The following ATG10 variants were observed in gnomAD, a reference collection of about 807,000 sequenced individuals.
ATG10 encodes the protein autophagy related 10.
In ATG10, 30 loss-of-function variants were observed where a neutral mutation model predicts 32.1. The observed-to-expected ratio is 0.94, with a 90% CI of 0.70 to 1.27. The LOEUF is 1.27. Ranked by LOEUF, ATG10 falls within the 50% of genes most tolerant of loss-of-function variation. ATG10 has a pLI of 0.00. For synonymous variants in ATG10, 87 were observed against 91.5 expected (o/e 0.95, Z 0.28); for missense variants, 233 against 262.3 (o/e 0.89, Z 0.77).
At chr5:82,201,482 ACT>A (rs1372670431) in intron 5 of ATG10, among the ~76,000 whole-genome samples, 4 of 151,766 alleles carry the variant, frequency 2.6e-5, no homozygotes, top group African/African-American at 7.3e-5. Context: ...CTATTTCTGG[ACT>A]CTCTGTTCTG....
intron 5 of ATG10, among the ~76,000 whole-genome samples, chr5:82,210,561 C>T (rs1269979919): frequency 2.0e-5 from 3 of 152,134 alleles, no homozygotes; most frequent in Non-Finnish European, 4.4e-5. Flanking sequence ...TCCCTTTTCT[C>T]CTGATTCTTT....
rs558246627 is a variant in ATG10, at chr5:82,237,275, C to T, written c.454-15287C>T. ...TAGGCTGTTTCTGGCTTATATTCTA[C>T]GGCCACACTTTGCTTTTCTCCTCCC... On this transcript the variant is annotated intron_variant, in intron 5 of 7. Transcript: ENST00000282185. Among the ~76,000 whole-genome samples the T allele has an allele frequency of 7.2e-5, 11 of 152,230 alleles. No homozygotes were observed. The South Asian group carries it at 2.1e-3, about 29-fold the overall frequency.
intron 3 of ATG10, among the ~76,000 whole-genome samples, chr5:82,139,561 C>T (rs1310210821): frequency 6.7e-6 from 1 of 149,114 alleles, no homozygotes; most frequent in Non-Finnish European, 1.5e-5. Flanking sequence ...AGGAGCGTCT[C>T]TGCCCGGCCG....
In ATG10 at chr5:81,982,950, C is replaced by T. The variant is rs1230996577; in HGVS notation, c.-12-4609C>T. 9.8e-5 allele frequency among the ~76,000 whole-genome samples: 15 copies of T among 152,374 alleles called. No individual in the cohort carries two copies. The East Asian group carries it at 2.3e-3, about 24-fold the overall frequency. Reference sequence around the variant, plus strand: ...CAAAATGAAAAGTCTCCCATGTCTACCTCTTTCTACACAGACACGGCAACC... The same window carrying T: ...CAAAATGAAAAGTCTCCCATGTCTATCTCTTTCTACACAGACACGGCAACC... On this transcript the variant is annotated intron_variant, in intron 1 of 7. Transcript: ENST00000282185.
At chr5:81,987,500 C>T (rs1761320546) in intron 1 of ATG10, 59 bp from the exon 2 acceptor site, 2 of 1,224,184 alleles carry the variant, frequency 1.6e-6, no homozygotes, top group Admixed American at 2.2e-5. Context: ...AATCAATTGG[C>T]AGAATTCCTT....
chr5:82,198,501 C>A (rs543458260), intron 5 of ATG10, among the ~76,000 whole-genome samples: 1 of 152,268 alleles, frequency 6.6e-6, no homozygotes, highest in African/African-American at 2.4e-5. Flanking sequence ...CTCAAGTGAT[C>A]TGCCTGTCCC....
chr5:82,023,615 T>A (rs1294695294), intron 2 of ATG10, among the ~76,000 whole-genome samples: 1 of 151,540 alleles, frequency 6.6e-6, no homozygotes, highest in East Asian at 1.9e-4. Context: ...AGAGACTGTT[T>A]GGAATAAAAT....
chr5:82,021,293 G>A (rs1455368173), intron 2 of ATG10, among the ~76,000 whole-genome samples: 1 of 152,168 alleles, frequency 6.6e-6, no homozygotes, highest in African/African-American at 2.4e-5. Context: ...ATGTGGAGGG[G>A]TGAAAGAGGG....
At chr5:82,020,320 C>G (rs1307644194) in intron 2 of ATG10, among the ~76,000 whole-genome samples, 2 of 152,126 alleles carry the variant, frequency 1.3e-5, no homozygotes, top group Non-Finnish European at 2.9e-5. Flanking sequence ...GATTTTGAGA[C>G]AAGTCTTCAG....
At chr5:82,067,425 G>A (rs1030399216) in intron 3 of ATG10, among the ~76,000 whole-genome samples, 5 of 151,966 alleles carry the variant, frequency 3.3e-5, no homozygotes, top group Admixed American at 2.0e-4. Context: ...GTAGAGATGC[G>A]GCACTGAAAC....
In ATG10 at chr5:82,079,404, A is replaced by G. The variant is rs554752519; in HGVS notation, c.216+20802A>G. 5.9e-5 allele frequency among the ~76,000 whole-genome samples: 9 copies of G among 151,892 alleles called. No homozygotes were observed. In the East Asian group the frequency reaches 1.7e-3, roughly 29 times the overall value. ...TTATATACTTTAAGTTCTAGGGTACATGTGCACAACATGCAGGTTTGTTAC... is the reference window on the plus strand; with the variant it reads ...TTATATACTTTAAGTTCTAGGGTACGTGTGCACAACATGCAGGTTTGTTAC... On this transcript the variant is annotated intron_variant, in intron 3 of 7. Transcript: ENST00000282185.
chr5:82,005,009 CT>C (rs1761952515), intron 2 of ATG10, among the ~76,000 whole-genome samples: 1 of 152,156 alleles, frequency 6.6e-6, no homozygotes, highest in African/African-American at 2.4e-5. Flanking sequence ...AACAAATCAA[CT>C]GTAAAAGGAC....
intron 5 of ATG10, among the ~76,000 whole-genome samples, chr5:82,192,555 C>T (rs181235326): frequency 9.2e-5 from 14 of 152,234 alleles, no homozygotes; most frequent in Admixed American, 7.8e-4. Context: ...AGTTATTAGG[C>T]GTTTCACCTT....
At chr5:82,069,717 A>G (rs1408747597) in intron 3 of ATG10, among the ~76,000 whole-genome samples, 2 of 152,294 alleles carry the variant, frequency 1.3e-5, no homozygotes, top group East Asian at 3.9e-4. Flanking sequence ...ATTAGTATAA[A>G]TATTTTGTCA....
chr5:82,015,545 T>C (rs1762260291), intron 2 of ATG10, among the ~76,000 whole-genome samples: 1 of 152,238 alleles, frequency 6.6e-6, no homozygotes, highest in South Asian at 2.1e-4. Context: ...CTTTTTTCTC[T>C]AAACTTCTCT....
intron 3 of ATG10, among the ~76,000 whole-genome samples, chr5:82,151,755 C>G (rs77262426): frequency 1.3e-5 from 2 of 151,920 alleles, no homozygotes; most frequent in African/African-American, 4.8e-5. Context: ...TAATGATGAC[C>G]CTTAACCTGT....
intron 3 of ATG10, among the ~76,000 whole-genome samples, chr5:82,157,489 A>G (rs1767851247): frequency 6.6e-6 from 1 of 152,216 alleles, no homozygotes; most frequent in Admixed American, 6.5e-5. Flanking sequence ...GATTGTGGAA[A>G]AAGTCATTCT....
intron 5 of ATG10, among the ~76,000 whole-genome samples, chr5:82,205,991 A>T (rs1333982271): frequency 2.0e-5 from 3 of 152,214 alleles, no homozygotes; most frequent in African/African-American, 7.2e-5. Context: ...GGGACTAGAG[A>T]TCCCTATGAA....
chr5:82,168,419 GTTC>G (rs1005760586), intron 4 of ATG10, among the ~76,000 whole-genome samples: 19 of 152,008 alleles, frequency 1.2e-4, no homozygotes, highest in African/African-American at 4.3e-4. Flanking sequence ...GGACCAAGTG[GTTC>G]TTCTTATTTT....
Sources: gnomAD v4.1 joint callset for allele counts (sites outside exome capture counted in the v4.1 genomes callset) on GRCh38, gnomAD v4.1.1 for gene constraint, MANE v1.5 for transcripts, NCBI Gene and HGNC (gene_info 2026-07-23, HGNC 2026-07-21) for gene names.